Variants in ASXL3 observed in about 807,000 individuals in gnomAD.
ASXL3 encodes the protein ASXL transcriptional regulator 3, also known as putative Polycomb group protein ASXL3.
In ASXL3, 34 loss-of-function variants were observed where a neutral mutation model predicts 170.6. That is an observed-to-expected ratio of 0.20 (90% confidence interval 0.15 to 0.27). The LOEUF (loss-of-function observed/expected upper bound fraction) is 0.27, where lower values mean the gene tolerates loss of function less well. ASXL3 is among the 10% of genes least tolerant of loss of function. The pLI is 1.00. For missense variants in ASXL3, 2,592 were observed against 2,695.3 expected, an observed-to-expected ratio of 0.96 and a Z score of 0.85; for synonymous variants, 1,002 against 989.1, an observed-to-expected ratio of 1.01 and a Z score of -0.24.
intron 7 of ASXL3, among the ~76,000 whole-genome samples, chr18:33,682,750 C>T (rs1351479820): frequency 2.0e-5 from 3 of 152,048 alleles, no homozygotes; most frequent in African/African-American, 7.2e-5. Context: ...TGTGGTCTCA[C>T]CATGTTGCCC....
At chr18:33,672,422 C>A (rs184787644) in intron 7 of ASXL3, among the ~76,000 whole-genome samples, 1 of 152,218 alleles carries the variant, frequency 6.6e-6, no homozygotes, top group East Asian at 1.9e-4. Flanking sequence ...AGGTTTTCTT[C>A]AACATACTTC....
chr18:33,648,398 G>T (rs1043918566), intron 4 of ASXL3, among the ~76,000 whole-genome samples: 54 of 152,184 alleles, frequency 3.5e-4, no homozygotes, highest in Non-Finnish European at 7.5e-4. Context: ...AGGAGTTGGG[G>T]ATAACTCCAG....
intron 2 of ASXL3, among the ~76,000 whole-genome samples, chr18:33,629,901 GTTAT>G (rs760484131): frequency 6.6e-6 from 1 of 151,876 alleles, no homozygotes; most frequent in Admixed American, 6.6e-5. Context: ...TTGCAACATT[GTTAT>G]TTATTCTCTT....
intron 1 of ASXL3, among the ~76,000 whole-genome samples, chr18:33,600,783 C>A (rs1156897488): frequency 2.0e-5 from 3 of 152,070 alleles, no homozygotes; most frequent in African/African-American, 7.2e-5. Context: ...CTCCAAAAAC[C>A]ATGTCTTTCA....
In ASXL3 at chr18:33,734,337, G is replaced by A. The variant is rs1457535713; in HGVS notation, c.1004G>A (p.Arg335Gln). ...GAGTTTACCCCAGAAATGCAGTTGC[G>A]GATAAGGCAAGAAATTGAGAAGGAA... ...EGEFTPEMQL[R>Q]IRQEIEKEKK... is the part of the protein sequence containing the mutation. The change falls in exon 10 of 12, where the codon CGG becomes CAG. Residue 335 changes from arginine (R) to glutamine (Q), a missense_variant. Transcript: ENST00000269197. 6.2e-7 allele frequency: 1 copy of A among 1,604,622 alleles called. No individual in the cohort carries two copies.
chr18:33,713,807 A>G (rs1013202617), intron 8 of ASXL3, among the ~76,000 whole-genome samples: 2 of 152,202 alleles, frequency 1.3e-5, no homozygotes, highest in African/African-American at 2.4e-5. Flanking sequence ...AACTTCCATA[A>G]CATAATTTTC....
chr18:33,743,273 T>TAGA lies in ASXL3; in HGVS notation c.3428_3430dup (p.Glu1143dup). On this transcript the variant is annotated inframe_insertion, in exon 12 of 12. Coordinates refer to ENST00000269197, the MANE Select transcript of ASXL3 (RefSeq NM_030632.3). ...AGCTCAAAGGAAGGGCCTCCAAACT[T>TAGA]AGAAGTCTCTTCTACCCCTGAAACA... 1.9e-6 allele frequency: 3 copies of TAGA among 1,613,886 alleles called. No homozygotes were observed. Among genetic ancestry groups the TAGA allele is most frequent in the Non-Finnish European group, 2.5e-6 (3 of 1,179,832 alleles).
intron 8 of ASXL3, among the ~76,000 whole-genome samples, chr18:33,701,344 G>A (rs568770812): frequency 6.6e-6 from 1 of 151,960 alleles, no homozygotes; most frequent in East Asian, 1.9e-4. Context: ...ATGGAATTTT[G>A]ATAGGAATTG....
chr18:33,664,915 T>C (rs944678861), intron 5 of ASXL3, among the ~76,000 whole-genome samples: 3 of 152,236 alleles, frequency 2.0e-5, no homozygotes, highest in African/African-American at 7.2e-5. Flanking sequence ...ATGTTGGGCA[T>C]AATTGCATGA....
At chr18:33,615,490 A>G (rs2065408325) in intron 2 of ASXL3, among the ~76,000 whole-genome samples, 1 of 152,200 alleles carries the variant, frequency 6.6e-6, no homozygotes, top group African/African-American at 2.4e-5. Context: ...AAATATTGTG[A>G]ATTACCAAAC....
intron 1 of ASXL3, among the ~76,000 whole-genome samples, chr18:33,587,655 C>G (rs1463028014): frequency 2.0e-5 from 3 of 152,000 alleles, no homozygotes; most frequent in Non-Finnish European, 4.4e-5. Flanking sequence ...CTTACTCTCT[C>G]CTGAAATCCT....
intron 7 of ASXL3, among the ~76,000 whole-genome samples, chr18:33,678,860 T>C (rs546925699): frequency 6.6e-6 from 1 of 152,328 alleles, no homozygotes; most frequent in Non-Finnish European, 1.5e-5. Context: ...CAAATTTAGT[T>C]CATCTTCTCT....
intron 7 of ASXL3, among the ~76,000 whole-genome samples, chr18:33,673,426 G>A (rs1298957890): frequency 2.6e-4 from 39 of 149,920 alleles, no homozygotes; most frequent in Admixed American, 2.6e-3. Flanking sequence ...CTGGGCTGGA[G>A]TACAGTGGTG....
At chr18:33,611,421 A>G (rs532067549) in intron 2 of ASXL3, among the ~76,000 whole-genome samples, 2 of 152,112 alleles carry the variant, frequency 1.3e-5, no homozygotes, top group African/African-American at 4.8e-5. Context: ...AGATTTTATT[A>G]ATGTCATTTT....
intron 2 of ASXL3, among the ~76,000 whole-genome samples, chr18:33,616,046 CTG>C (rs765773041): frequency 6.6e-6 from 1 of 152,010 alleles, no homozygotes; most frequent in African/African-American, 2.4e-5. Context: ...TTTAAAATAA[CTG>C]TGTAATCTCT....
At chr18:33,683,678 T>C in intron 8 of ASXL3, 110 bp downstream of exon 8, 2 of 1,127,518 alleles carry the variant, frequency 1.8e-6, no homozygotes, top group East Asian at 2.7e-5. Context: ...TTCTGTAATT[T>C]ATGCATTTCT....
intron 7 of ASXL3, 116 bp downstream of exon 7, chr18:33,671,982 C>T (rs1386284234): frequency 1.7e-6 from 2 of 1,149,796 alleles, no homozygotes; most frequent in Non-Finnish European, 2.4e-6. Flanking sequence ...TTAAAATTTC[C>T]CTCCATTTAT....
intron 8 of ASXL3, among the ~76,000 whole-genome samples, chr18:33,702,371 G>T (rs919008210): frequency 4.6e-5 from 7 of 151,632 alleles, no homozygotes; most frequent in Non-Finnish European, 8.8e-5. Flanking sequence ...CTTCCTTCAG[G>T]AATTGTTTTT....
At position 33,636,305 on chromosome 18, in the gene ASXL3, T is replaced by TCAACAACAA. The variant is rs367963281; in HGVS notation, c.138-8568_138-8560dup. On this transcript the variant is annotated intron_variant, in intron 2 of 11. Coordinates refer to ENST00000269197, the MANE Select transcript of ASXL3 (RefSeq NM_030632.3). The stretch of plus-strand genomic sequence containing the variant: ...TCGGTGGGCAGTGAAAACCACTGAT[T>TCAACAACAA]CAACAACAACAACAACAACAACAAC... 7.1e-3 allele frequency among the ~76,000 whole-genome samples: 782 copies of TCAACAACAA among 110,668 alleles called. 6 individuals are homozygous for TCAACAACAA. The highest frequency in any genetic ancestry group is 0.026 in the African/African-American group (722 of 27,522). The allele number at this position is 110,668 out of a possible 152,430, so 72.6% of individuals were successfully genotyped here.
Sources: allele counts gnomAD v4.1 joint callset (sites outside exome capture counted in the v4.1 genomes callset), GRCh38; gene constraint gnomAD v4.1.1; transcripts MANE v1.5; gene names NCBI Gene and HGNC (gene_info 2026-07-23, HGNC 2026-07-21).